Variants in SIAE observed in about 807,000 individuals in gnomAD.
SIAE encodes sialate O-acetylesterase.
SIAE carries 39 observed loss-of-function variants against 52.6 expected under a neutral mutation model. The observed-to-expected ratio is 0.74, with a 90% CI of 0.57 to 0.97. The LOEUF (loss-of-function observed/expected upper bound fraction) is 0.97. Ranked by LOEUF, SIAE falls within the 50% of genes least tolerant of loss-of-function variation. SIAE has a pLI of 0.00. For synonymous variants in SIAE, 233 were observed against 241.4 expected (o/e 0.97, Z 0.32); for missense variants, 592 against 662.1 (o/e 0.89, Z 1.16).
chr11:124,665,255 T>C (rs1032313948), intron 2 of SIAE, among the ~76,000 whole-genome samples: 2 of 152,232 alleles, frequency 1.3e-5, no homozygotes, highest in Non-Finnish European at 2.9e-5. Flanking sequence ...TAATGTTATA[T>C]GGAAAAGATG....
At chr11:124,651,927 A>C (rs1229159856) in intron 4 of SIAE, among the ~76,000 whole-genome samples, 1 of 152,234 alleles carries the variant, frequency 6.6e-6, no homozygotes, top group Non-Finnish European at 1.5e-5. Context: ...AGTGGTAAAC[A>C]GGAGGGAAGA....
intron 1 of SIAE, 182 bp from the exon 2 acceptor site, chr11:124,669,703 G>A (rs1943322632): frequency 3.4e-5 from 22 of 645,854 alleles, no homozygotes; most frequent in Middle Eastern, 4.0e-4. Context: ...AACAAGAACA[G>A]TTTCCAACAG....
At chr11:124,667,799 T>C (rs1943293901) in intron 2 of SIAE, among the ~76,000 whole-genome samples, 1 of 152,142 alleles carries the variant, frequency 6.6e-6, no homozygotes, top group African/African-American at 2.4e-5. Flanking sequence ...CCACACCGGC[T>C]TCTATATCTT....
At chr11:124,665,009 G>A (rs1943254283) in intron 2 of SIAE, among the ~76,000 whole-genome samples, 1 of 151,148 alleles carries the variant, frequency 6.6e-6, no homozygotes, top group African/African-American at 2.4e-5. Flanking sequence ...CATTTATTCT[G>A]TTGTAACCTG....
chr11:124,636,848 T>C lies in SIAE; in HGVS notation c.*103A>G. 1.3e-6 allele frequency: 2 copies of C among 1,528,724 alleles called. No homozygotes were observed. Among genetic ancestry groups the C allele is most frequent in the Non-Finnish European group, 1.8e-6 (2 of 1,105,752 alleles). The allele number at this position is 1,528,724 out of a possible 1,614,324, so 94.7% of individuals were successfully genotyped here. A position where few individuals can be genotyped will look rare whatever the true frequency, so the allele number is the denominator to read the frequency against. On this transcript the variant is annotated 3_prime_UTR_variant, in exon 10 of 10. Transcript: ENST00000263593. The stretch of plus-strand genomic sequence containing the variant: ...TAGCTGAAAGCCATTCAATGAGGCT[T>C]TCTATTAATTTCCTTTAAAAGCAAT...
At chr11:124,641,105 T>G (rs1472631542) in intron 7 of SIAE, among the ~76,000 whole-genome samples, 1 of 152,218 alleles carries the variant, frequency 6.6e-6, no homozygotes, top group Non-Finnish European at 1.5e-5. Flanking sequence ...AGGACAGACC[T>G]ACACATAAGA....
upstream of SIAE, chr11:124,673,748 G>T (rs1457931791): frequency 3.1e-6 from 5 of 1,605,978 alleles, no homozygotes; most frequent in South Asian, 5.6e-5. Flanking sequence ...CTGGGAAAGT[G>T]GGTTCCCGGC....
chr11:124,640,758 C>T (rs1035228739), intron 7 of SIAE, among the ~76,000 whole-genome samples: 4 of 152,220 alleles, frequency 2.6e-5, no homozygotes, highest in African/African-American at 9.7e-5. Context: ...ATGTGGTTTG[C>T]TTTGACCAAT....
At position 124,671,931 on chromosome 11, in the gene SIAE, C is replaced by CTT. The variant is rs11344356; in HGVS notation, c.67+1709_67+1710dup. On this transcript the variant is annotated intron_variant, in intron 1 of 9. Transcript: ENST00000263593. ...CATGTGCCACCACACCTGGCTAATTCTTTTTTTTTTTTTTTTTGATATCTT... is the reference window on the plus strand; with the variant it reads ...CATGTGCCACCACACCTGGCTAATTCTTTTTTTTTTTTTTTTTTTGATATCTT... Among the ~76,000 whole-genome samples the CTT allele has an allele frequency of 6.6e-5, 9 of 137,154 alleles. No individual in the cohort carries two copies. In the East Asian group the frequency reaches 1.1e-3, roughly 16 times the overall value. The allele number at this position is 137,154 out of a possible 152,430, so 90.0% of individuals were successfully genotyped here.
rs768960927 is a variant in SIAE at position 124,638,692 on chromosome 11, C to T, written c.1170G>A (p.Leu390=). Residue 390 remains leucine (L), a synonymous_variant, in exon 9 of 10, where the codon TTG becomes TTA. Coordinates refer to ENST00000263593, the MANE Select transcript of SIAE (RefSeq NM_170601.5). ...DKQTVAYRLH[L]GARALAYGEK... ...CACCATAAGCCAGAGCACGGGCCCC[C>T]AAATGCAGCCGATAAGCCACAGTCT... is the stretch of plus-strand genomic sequence containing the variant. 41 of 1,613,942 alleles carry T rather than the reference C, an allele frequency of 2.5e-5. No individual in the cohort carries two copies. Among genetic ancestry groups the T allele is most frequent in the Non-Finnish European group, 3.4e-5 (40 of 1,180,020 alleles).
chr11:124,641,911 G>C (rs542197975), intron 7 of SIAE, among the ~76,000 whole-genome samples: 1 of 135,176 alleles, frequency 7.4e-6, no homozygotes, highest in Non-Finnish European at 1.5e-5. Context: ...AGTGAGCCAA[G>C]ATTGTGCCAC....
At chr11:124,644,638 C>T (rs1176280437) in intron 7 of SIAE, among the ~76,000 whole-genome samples, 2 of 152,150 alleles carry the variant, frequency 1.3e-5, no homozygotes, top group Non-Finnish European at 2.9e-5. Flanking sequence ...CGTGGACCAG[C>T]CAAAGAATAT....
chr11:124,666,932 C>T (rs1943280669), intron 2 of SIAE, among the ~76,000 whole-genome samples: 1 of 152,194 alleles, frequency 6.6e-6, no homozygotes, highest in African/African-American at 2.4e-5. Flanking sequence ...CACCTAGCCT[C>T]CTGCCTCATC....
chr11:124,638,390 A>G, intron 9 of SIAE, 152 bp downstream of exon 9: 3 of 790,902 alleles, frequency 3.8e-6, no homozygotes, highest in Non-Finnish European at 4.3e-6. Flanking sequence ...CTACTGAATT[A>G]ACAGCTGTTT....
In SIAE at chr11:124,633,719, G is replaced by A. The variant is rs1224917565; in HGVS notation, c.*3232C>T. On this transcript the variant is annotated 3_prime_UTR_variant, in exon 10 of 10. Coordinates refer to ENST00000263593, the MANE Select transcript of SIAE (RefSeq NM_170601.5). ...AACAAACTTTGTATAATAGCAAATC[G>A]GGAAGGGGACTGCTTAAAATGTTAA... 1 of 133,166 alleles carries A rather than the reference G, an allele frequency of 7.5e-6. No homozygotes were observed. Among genetic ancestry groups the A allele is most frequent in the African/African-American group, 4.2e-5 (1 of 24,092 alleles). 8.2% of individuals were successfully genotyped at this position (133,166 alleles called of 1,614,324 possible).
chr11:124,649,872 G>T, intron 4 of SIAE, 76 bp from the exon 5 acceptor site: 1 of 1,432,226 alleles, frequency 7.0e-7, no homozygotes, highest in Non-Finnish European at 9.8e-7. Flanking sequence ...TAGGTGGGTC[G>T]AGGTGAGAAG....
intron 3 of SIAE, chr11:124,659,440 G>T (rs1316987388): frequency 6.6e-6 from 1 of 152,018 alleles, no homozygotes; most frequent in Non-Finnish European, 1.5e-5. Flanking sequence ...AAAAAGCCCA[G>T]CATGGGTAAC....
rs1942791175 is a variant in SIAE, at chr11:124,638,649, C to G, written c.1213G>C (p.Glu405Gln). The part of the protein sequence containing the change: ...LAYGEKNLTF[E>Q]GPLPEKIELL... Reference sequence around the variant, plus strand: ...TCTATCTTCTCAGGCAGTGGTCCTTCAAAGGTCAAATTCTTCTCACCATAA... The same window carrying G: ...TCTATCTTCTCAGGCAGTGGTCCTTGAAAGGTCAAATTCTTCTCACCATAA... Residue 405 changes from glutamate to glutamine, a missense_variant, in exon 9 of 10, where the codon GAA becomes CAA. By Grantham distance (29) the Glu-to-Gln change is conservative (BLOSUM62 2). Transcript: ENST00000263593. The G allele has an allele frequency of 6.2e-7, 1 of 1,614,116 alleles. No homozygotes were observed.
In SIAE at chr11:124,669,658, C is replaced by T. The variant is rs900314264; in HGVS notation, c.68-137G>A. ...ACTAAGTCCCTTTAATCGTCTAAAACTGGCTCTTCTTCCTCCTAATTAGGC... is the reference window on the plus strand; with the variant it reads ...ACTAAGTCCCTTTAATCGTCTAAAATTGGCTCTTCTTCCTCCTAATTAGGC... On this transcript the variant is annotated intron_variant, in intron 1 of 9. Transcript: ENST00000263593. 3.9e-5 allele frequency: 32 copies of T among 817,136 alleles called. No homozygotes were observed. In the Admixed American group the frequency reaches 6.0e-4, roughly 15 times the overall value. The allele number at this position is 817,136 out of a possible 1,614,324, so 50.6% of individuals were successfully genotyped here.
Sources: allele counts gnomAD v4.1 joint callset (sites outside exome capture counted in the v4.1 genomes callset), GRCh38; gene constraint gnomAD v4.1.1; transcripts MANE v1.5; gene names NCBI Gene and HGNC (gene_info 2026-07-23, HGNC 2026-07-21).